The following SMYD3 variants were observed in gnomAD, a reference collection of about 807,000 sequenced individuals.
SMYD3 encodes the protein SET and MYND domain containing 3.
A neutral mutation model predicts 57.7 loss-of-function variants in SMYD3; 36 were observed. The ratio of observed to expected loss-of-function variants is 0.62; its 90% CI spans 0.48 to 0.82. The LOEUF (loss-of-function observed/expected upper bound fraction) is 0.82, where lower values mean the gene tolerates loss of function less well. SMYD3 is among the 40% of genes least tolerant of loss of function. The probability of loss-of-function intolerance (pLI) is 0.00; values close to 1 mark genes in which losing one functional copy is unlikely to be tolerated. For synonymous variants in SMYD3, 211 were observed against 195.0 expected, an observed-to-expected ratio of 1.08 and a Z score of -0.68; for missense variants, 515 against 538.8, an observed-to-expected ratio of 0.96 and a Z score of 0.44.
intron 1 of SMYD3, among the ~76,000 whole-genome samples, chr1:246,501,115 G>A (rs974181809): frequency 6.6e-6 from 1 of 152,278 alleles, no homozygotes; most frequent in African/African-American, 2.4e-5. Flanking sequence ...GACCTTCAGG[G>A]CCTCCAAGGA....
At chr1:246,422,839 C>T (rs1014846911) in intron 1 of SMYD3, among the ~76,000 whole-genome samples, 11 of 152,158 alleles carry the variant, frequency 7.2e-5, no homozygotes, top group African/African-American at 2.7e-4. Context: ...TGAAGTCTTT[C>T]TTTCTTTCTG....
At chr1:246,155,901 C>A (rs575785067) in intron 5 of SMYD3, among the ~76,000 whole-genome samples, 1 of 152,090 alleles carries the variant, frequency 6.6e-6, no homozygotes, top group Admixed American at 6.5e-5. Flanking sequence ...GCAGGAGAAT[C>A]GCTTGAATCT....
At chr1:245,822,509 G>T (rs1214718582) in intron 10 of SMYD3, among the ~76,000 whole-genome samples, 1 of 149,382 alleles carries the variant, frequency 6.7e-6, no homozygotes, top group Non-Finnish European at 1.5e-5. Context: ...TAACTAACCT[G>T]CACAATGTGC....
At chr1:245,880,672 G>A (rs2052733620) in intron 8 of SMYD3, among the ~76,000 whole-genome samples, 1 of 152,174 alleles carries the variant, frequency 6.6e-6, no homozygotes, top group South Asian at 2.1e-4. Flanking sequence ...GCTACAAAGT[G>A]GTGGAGAAGG....
intron 5 of SMYD3, among the ~76,000 whole-genome samples, chr1:246,304,733 T>A (rs991704753): frequency 6.6e-6 from 1 of 152,188 alleles, no homozygotes; most frequent in African/African-American, 2.4e-5. Context: ...GTACAACTCT[T>A]GACATTAAGT....
intron 7 of SMYD3, among the ~76,000 whole-genome samples, chr1:245,919,935 C>T (rs2055740116): frequency 6.6e-6 from 1 of 152,200 alleles, no homozygotes; most frequent in African/African-American, 2.4e-5. Context: ...ATCTTGAATA[C>T]ATAGCTTACA....
chr1:246,284,256 G>A (rs1375250503), intron 5 of SMYD3, among the ~76,000 whole-genome samples: 2 of 152,118 alleles, frequency 1.3e-5, no homozygotes, highest in African/African-American at 2.4e-5. Context: ...TGTTGCAAAC[G>A]CAGAACAAAG....
At chr1:246,247,473 AT>A (rs1416356231) in intron 5 of SMYD3, among the ~76,000 whole-genome samples, 1 of 143,978 alleles carries the variant, frequency 6.9e-6, no homozygotes, top group Non-Finnish European at 1.5e-5. Flanking sequence ...CTCTATATAT[AT>A]ATATATATAT....
At chr1:246,196,299 T>C (rs927937637) in intron 5 of SMYD3, among the ~76,000 whole-genome samples, 1 of 152,156 alleles carries the variant, frequency 6.6e-6, no homozygotes, top group Non-Finnish European at 1.5e-5. Flanking sequence ...GCTCCTTGTC[T>C]TTTTTCCTTT....
chr1:246,107,065 T>C (rs34191997), intron 5 of SMYD3, among the ~76,000 whole-genome samples: 9,290 of 150,156 alleles, frequency 0.062, 357 homozygotes, highest in Non-Finnish European at 0.07. Context: ...TTTGGGAGGC[T>C]GAGGCGGGCG....
intron 3 of SMYD3, among the ~76,000 whole-genome samples, chr1:246,334,061 T>TAAA (rs60323903): frequency 2.7e-5 from 4 of 148,232 alleles, no homozygotes; most frequent in Non-Finnish European, 6.0e-5. Context: ...TATTATTAAA[T>TAAA]AAAAAAAAAA....
chr1:246,347,388 C>A (rs1413001429), intron 2 of SMYD3, among the ~76,000 whole-genome samples: 3 of 152,130 alleles, frequency 2.0e-5, no homozygotes, highest in African/African-American at 7.2e-5. Flanking sequence ...ATGTCATTTT[C>A]AAACTACAGA....
intron 8 of SMYD3, among the ~76,000 whole-genome samples, chr1:245,875,890 C>T (rs9659187): frequency 0.87 from 132,545 of 152,258 alleles, 57,943 homozygotes; most frequent in Middle Eastern, 0.91. Flanking sequence ...ATTTCTTTTC[C>T]GGAGGTAAAC....
chr1:245,785,574 C>A (rs2047001371), intron 10 of SMYD3, among the ~76,000 whole-genome samples: 1 of 152,142 alleles, frequency 6.6e-6, no homozygotes, highest in Non-Finnish European at 1.5e-5. Context: ...TCCCTTTGCC[C>A]AACCCCTCCC....
chr1:245,979,134 C>A (rs1340919294), intron 5 of SMYD3, among the ~76,000 whole-genome samples: 1 of 152,104 alleles, frequency 6.6e-6, no homozygotes, highest in Non-Finnish European at 1.5e-5. Flanking sequence ...GTCATTTAAA[C>A]CCTCTCTCTG....
At chr1:246,453,302 C>T (rs1263728360) in intron 1 of SMYD3, among the ~76,000 whole-genome samples, 2 of 151,940 alleles carry the variant, frequency 1.3e-5, no homozygotes, top group Non-Finnish European at 2.9e-5. Flanking sequence ...CTGAAGGAGG[C>T]GGAAGTATCC....
chr1:246,176,682 C>T (rs1025179791), intron 5 of SMYD3, among the ~76,000 whole-genome samples: 2 of 152,108 alleles, frequency 1.3e-5, no homozygotes, highest in Non-Finnish European at 2.9e-5. Flanking sequence ...GCCAACATGC[C>T]TGGCAAATTA....
intron 5 of SMYD3, among the ~76,000 whole-genome samples, chr1:245,969,637 G>A (rs931044682): frequency 3.3e-5 from 5 of 152,178 alleles, no homozygotes; most frequent in Non-Finnish European, 7.3e-5. Context: ...CCAGGAACAC[G>A]GATTCCTCTG....
Position 246,228,799 on chromosome 1 carries a change from T to C in SMYD3, c.531+98402A>G, listed in dbSNP as rs1053498849. ...AAACCTCCATCATCTAAATATAATG[T>C]TTTTTCTAAAAGAAGCCTTCTTTTT... is the stretch of plus-strand genomic sequence containing the variant. On this transcript the variant is annotated intron_variant, in intron 5 of 11. Coordinates refer to ENST00000490107, the MANE Select transcript of SMYD3 (RefSeq NM_001167740.2). 4.0e-5 allele frequency among the ~76,000 whole-genome samples: 6 copies of C among 148,462 alleles called. No homozygotes were observed. The Admixed American group carries it at 4.1e-4, about 10-fold the overall frequency.
Sources: allele counts gnomAD v4.1 joint callset (sites outside exome capture counted in the v4.1 genomes callset), GRCh38; gene constraint gnomAD v4.1.1; transcripts MANE v1.5; gene names NCBI Gene and HGNC (gene_info 2026-07-23, HGNC 2026-07-21).